TBC1D8: variants seen among roughly 807,000 people sequenced by gnomAD.
The protein encoded by TBC1D8 is BUB2-like protein 1.
A neutral mutation model predicts 118.8 loss-of-function variants in TBC1D8; 65 were observed. That is an observed-to-expected ratio of 0.55 (90% CI 0.45 to 0.67). The LOEUF is 0.67. Among genes scored for constraint, TBC1D8 ranks in the 30% least tolerant of loss-of-function variants. TBC1D8 has a pLI of 0.00. For missense variants in TBC1D8, 1,376 were observed against 1,471.2 expected (o/e 0.94, Z 1.06); for synonymous variants, 566 against 595.8 (o/e 0.95, Z 0.73).
rs1679209000 is a variant in TBC1D8 at position 101,011,480 on chromosome 2, G to A, written c.2888C>T (p.Ser963Leu). The A allele has an allele frequency of 3.1e-6, 5 of 1,613,934 alleles. No homozygotes were observed. The highest frequency in any genetic ancestry group is 1.7e-5 in the Admixed American group (1 of 60,010). ...GGGTTTCCCGAAAACCAGGGGTCTC[G>A]ATGTTGACAACAGAGGATTCCTCAA... ...SPLRNPLLSTSRPLVFGKPNG... is the reference protein window; with the variant it reads ...SPLRNPLLSTLRPLVFGKPNG... Residue 963 changes from serine (S) to leucine (L), a missense_variant, in exon 18 of 20, where the codon TCG (serine) becomes TTG (leucine). Transcript: ENST00000409318.
chr2:101,037,610 C>T lies in TBC1D8; in HGVS notation c.1374G>A (p.Glu458=). The T allele has an allele frequency of 6.2e-7, 1 of 1,613,888 alleles. No homozygotes were observed. Among genetic ancestry groups the T allele is most frequent in the Non-Finnish European group, 8.5e-7 (1 of 1,179,896 alleles). The change falls in exon 8 of 20, where the codon GAG becomes GAA. Residue 458 remains glutamate, a synonymous_variant. Coordinates refer to ENST00000409318, the MANE Select transcript of TBC1D8 (RefSeq NM_001330348.2). The part of the protein sequence containing the change: ...SSQNSEESEK[E]KSPLMHPDAL... ...CATCGGGGTGCATCAGCGGGCTCTT[C>T]TCTTTCTCACTCTCCTCGCTATTTT...
intron 2 of TBC1D8, among the ~76,000 whole-genome samples, chr2:101,088,099 GT>G (rs1675757321): frequency 6.6e-6 from 1 of 152,148 alleles, no homozygotes; most frequent in African/African-American, 2.4e-5. Flanking sequence ...TGACACACAA[GT>G]TGCATTTTTA....
chr2:101,123,697 C>T (rs1467399698), intron 1 of TBC1D8, among the ~76,000 whole-genome samples: 5 of 152,162 alleles, frequency 3.3e-5, no homozygotes, highest in Non-Finnish European at 1.5e-5. Flanking sequence ...TATAGGTCTA[C>T]CTTACAAAAA....
intron 1 of TBC1D8, among the ~76,000 whole-genome samples, chr2:101,100,136 T>C (rs950846128): frequency 2.6e-5 from 4 of 152,158 alleles, no homozygotes; most frequent in African/African-American, 7.2e-5. Context: ...CAAAACCTTA[T>C]TGAACTGAGA....
chr2:101,042,820 TAAA>T (rs1681464627), intron 5 of TBC1D8, among the ~76,000 whole-genome samples: 1 of 151,948 alleles, frequency 6.6e-6, no homozygotes, highest in South Asian at 2.1e-4. Context: ...CTAAATGCCA[TAAA>T]CGCAAGATAG....
At chr2:101,064,421 G>T (rs568834088) in intron 2 of TBC1D8, among the ~76,000 whole-genome samples, 8 of 152,318 alleles carry the variant, frequency 5.3e-5, no homozygotes, top group African/African-American at 1.9e-4. Context: ...TCAGTGTGTG[G>T]AGGGGGATGG....
At chr2:101,125,697 G>A (rs184160954) in intron 1 of TBC1D8, among the ~76,000 whole-genome samples, 6 of 152,256 alleles carry the variant, frequency 3.9e-5, no homozygotes, top group East Asian at 1.9e-4. Flanking sequence ...AGGTATAGAC[G>A]CACCTTTATG....
At chr2:101,028,218 G>A in intron 13 of TBC1D8, 72 bp from the exon 14 acceptor site, 1 of 1,598,676 alleles carries the variant, frequency 6.3e-7, no homozygotes, top group Non-Finnish European at 8.5e-7. Flanking sequence ...AGTGGCCCAG[G>A]AACCTCCTTC....
At chr2:101,012,087 C>T (rs544872942) in intron 17 of TBC1D8, among the ~76,000 whole-genome samples, 1 of 152,328 alleles carries the variant, frequency 6.6e-6, no homozygotes, top group African/African-American at 2.4e-5. Flanking sequence ...AAAAATAAAA[C>T]TGTCAGAACC....
chr2:101,073,300 A>ATTTT (rs34252571), intron 2 of TBC1D8, among the ~76,000 whole-genome samples: 9 of 143,726 alleles, frequency 6.3e-5, no homozygotes, highest in African/African-American at 1.6e-4. Context: ...TATTTTATTT[A>ATTTT]TTTTTTTTTT....
At chr2:101,082,016 G>C (rs1675295327) in intron 2 of TBC1D8, among the ~76,000 whole-genome samples, 1 of 152,158 alleles carries the variant, frequency 6.6e-6, no homozygotes. Flanking sequence ...GCAGGCACCG[G>C]TAATCCCAGC....
chr2:101,095,403 TC>T (rs1191816168), intron 1 of TBC1D8, among the ~76,000 whole-genome samples: 1 of 56,066 alleles, frequency 1.8e-5, no homozygotes, highest in East Asian at 8.1e-4. Context: ...TCCCCCCCCC[TC>T]CCCCCACCCC....
intron 17 of TBC1D8, among the ~76,000 whole-genome samples, chr2:101,013,321 A>G (rs1679371748): frequency 6.6e-6 from 1 of 152,234 alleles, no homozygotes; most frequent in Non-Finnish European, 1.5e-5. Flanking sequence ...GGAAATAGTA[A>G]CTACTAAGAA....
chr2:101,117,873 CCTT>C (rs1558717460), intron 1 of TBC1D8, among the ~76,000 whole-genome samples: 2 of 126,382 alleles, frequency 1.6e-5, no homozygotes, highest in African/African-American at 6.0e-5. Flanking sequence ...CCGCACCCGG[CCTT>C]TTTTTTTTTT....
At chr2:101,037,747 G>A in intron 7 of TBC1D8, 39 bp from the exon 8 acceptor site, 1 of 1,606,426 alleles carries the variant, frequency 6.2e-7, no homozygotes, top group Non-Finnish European at 8.5e-7. Flanking sequence ...AGAGAGAGGA[G>A]AGGAGAAAAT....
At chr2:101,107,600 T>C (rs1232503850) in intron 1 of TBC1D8, among the ~76,000 whole-genome samples, 1 of 152,206 alleles carries the variant, frequency 6.6e-6, no homozygotes, top group Non-Finnish European at 1.5e-5. Flanking sequence ...AAAAATTCCT[T>C]GCCCTCTGAG....
chr2:101,078,161 A>G (rs973215981), intron 2 of TBC1D8, among the ~76,000 whole-genome samples: 5 of 152,230 alleles, frequency 3.3e-5, no homozygotes, highest in African/African-American at 4.8e-5. Flanking sequence ...CCGAATTTTC[A>G]GGGAGACTGA....
Position 101,151,284 on chromosome 2 carries a change from A to G in TBC1D8, c.-31T>C. 1 of 1,124,208 alleles carries G rather than the reference A, an allele frequency of 8.9e-7. No homozygotes were observed. The highest frequency in any genetic ancestry group is 3.4e-5 in the South Asian group (1 of 29,240). 69.6% of individuals were successfully genotyped at this position (1,124,208 alleles called of 1,614,324 possible). A position where few individuals can be genotyped will look rare whatever the true frequency, so the allele number is the denominator to read the frequency against. On this transcript the variant is annotated 5_prime_UTR_variant, in exon 1 of 20. Coordinates refer to ENST00000409318, the MANE Select transcript of TBC1D8 (RefSeq NM_001330348.2). ...CGGTCCGGCCGCGCCCGCCGGCCCC[A>G]GCTCACATCTCCCCGGCCGCCGGTC... is the stretch of plus-strand genomic sequence containing the variant.
intron 17 of TBC1D8, chr2:101,018,898 A>T: frequency 6.8e-7 from 1 of 1,473,046 alleles, no homozygotes. Flanking sequence ...AGGTTTATCA[A>T]TCTGCAGTGA....
Sources: allele counts gnomAD v4.1 joint callset (sites outside exome capture counted in the v4.1 genomes callset), GRCh38; gene constraint gnomAD v4.1.1; transcripts MANE v1.5; gene names NCBI Gene and HGNC (gene_info 2026-07-23, HGNC 2026-07-21).